NRCAM: variants seen among roughly 807,000 people sequenced by gnomAD.
NRCAM encodes neuronal cell adhesion molecule.
Under a neutral mutation model 156.5 loss-of-function variants are expected in NRCAM, and 83 were observed. The observed-to-expected ratio is 0.53, with a 90% CI of 0.44 to 0.64. The LOEUF is 0.64. NRCAM is among the 30% of genes least tolerant of loss of function. The probability of loss-of-function intolerance (pLI) is 0.00; values close to 1 mark genes in which losing one functional copy is unlikely to be tolerated. For synonymous variants in NRCAM, 538 were observed against 563.9 expected (o/e 0.95, Z 0.65); for missense variants, 1,417 against 1,597.3 (o/e 0.89, Z 1.92).
At chr7:108,325,581 A>C (rs1425919912) in intron 2 of NRCAM, among the ~76,000 whole-genome samples, 1 of 152,036 alleles carries the variant, frequency 6.6e-6, no homozygotes, top group Admixed American at 6.6e-5. Context: ...CAAAAAGGTA[A>C]CCTACATTAG....
intron 11 of NRCAM, among the ~76,000 whole-genome samples, chr7:108,220,876 C>T (rs2153670580): frequency 6.6e-6 from 1 of 152,270 alleles, no homozygotes; most frequent in Non-Finnish European, 1.5e-5. Flanking sequence ...AGAGCTTTTG[C>T]ATGGCAAAAA....
At chr7:108,195,236 T>C (rs906370192) in intron 15 of NRCAM, among the ~76,000 whole-genome samples, 14 of 152,092 alleles carry the variant, frequency 9.2e-5, no homozygotes, top group African/African-American at 3.4e-4. Flanking sequence ...CTGTGCTTGA[T>C]AGAGTGTGCT....
intron 13 of NRCAM, among the ~76,000 whole-genome samples, chr7:108,202,507 G>C (rs1351761798): frequency 6.6e-6 from 1 of 152,198 alleles, no homozygotes; most frequent in East Asian, 1.9e-4. Flanking sequence ...TTCTCAGTTA[G>C]TCAACTTTGT....
At chr7:108,357,260 C>A (rs2099510710) in intron 2 of NRCAM, among the ~76,000 whole-genome samples, 1 of 151,578 alleles carries the variant, frequency 6.6e-6, no homozygotes, top group African/African-American at 2.4e-5. Context: ...AAGTTCTGTT[C>A]AGATTTTCAT....
rs1448628255 is a variant in NRCAM at position 108,309,017 on chromosome 7, A to G, written c.-107+3648T>C. On this transcript the variant is annotated intron_variant, in intron 3 of 32. Coordinates refer to ENST00000379028, the MANE Select transcript of NRCAM (RefSeq NM_001037132.4). ...CCCCAGGACAGAGAGCACTGCTCAG[A>G]CTTCATGTGGAAATGGAAAGCTGAG... Among the ~76,000 whole-genome samples the G allele has an allele frequency of 2.0e-5, 3 of 152,218 alleles. No individual in the cohort carries two copies. The East Asian group carries it at 5.8e-4, about 29-fold the overall frequency.
At chr7:108,329,801 A>C (rs150519782) in intron 2 of NRCAM, among the ~76,000 whole-genome samples, 2 of 152,320 alleles carry the variant, frequency 1.3e-5, no homozygotes, top group African/African-American at 2.4e-5. Context: ...ACATCAGAGA[A>C]TCTTGACTGG....
rs375886714 is a variant in NRCAM at position 108,149,973 on chromosome 7, C to T, written c.3852G>A (p.Pro1284=). 21 of 1,613,902 alleles carry T rather than the reference C, an allele frequency of 1.3e-5. 1 individual carries two copies. The East Asian group carries it at 1.6e-4, about 12-fold the overall frequency. The change falls in exon 33 of 33, where the codon CCG becomes CCA. Residue 1284 remains proline (P), a synonymous_variant. Transcript: ENST00000379028. ...GQYSGKKEKE[P]AEGNESSEAP... The stretch of plus-strand genomic sequence containing the variant: ...CCTCTGAGCTTTCGTTTCCTTCAGC[C>T]GGCTCTTTCTCTTTCTTACCACTGT...
chr7:108,427,853 T>C (rs934960683), intron 1 of NRCAM, among the ~76,000 whole-genome samples: 1 of 151,760 alleles, frequency 6.6e-6, no homozygotes, highest in Admixed American at 6.5e-5. Context: ...TCTTGATTCA[T>C]TGTCCTTAAC....
intron 2 of NRCAM, among the ~76,000 whole-genome samples, chr7:108,398,485 CA>C (rs1407966888): frequency 6.6e-6 from 1 of 152,190 alleles, no homozygotes; most frequent in African/African-American, 2.4e-5. Flanking sequence ...CATAAAATGC[CA>C]ATGACTTCCA....
chr7:108,181,645 A>G (rs2063554058), intron 24 of NRCAM, among the ~76,000 whole-genome samples, 177 bp downstream of exon 24: 1 of 150,586 alleles, frequency 6.6e-6, no homozygotes, highest in African/African-American at 2.4e-5. Context: ...GGATGCAGTG[A>G]GATTTCAAGT....
At chr7:108,250,599 G>C (rs1307712699) in intron 3 of NRCAM, among the ~76,000 whole-genome samples, 1 of 151,846 alleles carries the variant, frequency 6.6e-6, no homozygotes, top group Non-Finnish European at 1.5e-5. Flanking sequence ...CCGAGACTCG[G>C]AATGGTAGTG....
At chr7:108,452,449 C>A (rs1851572612) in intron 1 of NRCAM, among the ~76,000 whole-genome samples, 1 of 152,092 alleles carries the variant, frequency 6.6e-6, no homozygotes, top group Non-Finnish European at 1.5e-5. Flanking sequence ...CCAATAGAGG[C>A]TGTTTTAAAC....
At chr7:108,435,584 C>T (rs941465985) in intron 1 of NRCAM, among the ~76,000 whole-genome samples, 3 of 152,104 alleles carry the variant, frequency 2.0e-5, no homozygotes, top group African/African-American at 7.2e-5. Flanking sequence ...TCAGGAACAA[C>T]AGACACTGGG....
chr7:108,187,105 C>T (rs563258963), intron 20 of NRCAM, among the ~76,000 whole-genome samples: 1 of 152,254 alleles, frequency 6.6e-6, no homozygotes, highest in East Asian at 1.9e-4. Context: ...AGTTTGGGAA[C>T]CATGGTCTTA....
Position 108,316,092 on chromosome 7 carries a change from T to A in NRCAM, c.-173-3361A>T, listed in dbSNP as rs185280083. Among the ~76,000 whole-genome samples, 3 of 152,326 alleles carry A rather than the reference T, an allele frequency of 2.0e-5. No individual in the cohort carries two copies. The East Asian group carries it at 5.8e-4, about 29-fold the overall frequency. ...GGAAACTTAATCACAAATACAACAATGTTCAGAGGTGGGATCTTTAAGAGG... is the reference window on the plus strand; with the variant it reads ...GGAAACTTAATCACAAATACAACAAAGTTCAGAGGTGGGATCTTTAAGAGG... On this transcript the variant is annotated intron_variant, in intron 2 of 32. Coordinates refer to ENST00000379028, the MANE Select transcript of NRCAM (RefSeq NM_001037132.4).
At chr7:108,249,778 G>C (rs1481926562) in intron 3 of NRCAM, among the ~76,000 whole-genome samples, 1 of 152,196 alleles carries the variant, frequency 6.6e-6, no homozygotes, top group Non-Finnish European at 1.5e-5. Flanking sequence ...CAATTCTGCT[G>C]TCTATGACTT....
intron 2 of NRCAM, among the ~76,000 whole-genome samples, chr7:108,343,468 G>A (rs1043058954): frequency 3.9e-5 from 6 of 152,110 alleles, no homozygotes; most frequent in African/African-American, 1.4e-4. Context: ...GAACTGCCAA[G>A]CGGACATTGA....
chr7:108,284,706 C>G (rs975949861), intron 3 of NRCAM, among the ~76,000 whole-genome samples: 3 of 152,152 alleles, frequency 2.0e-5, no homozygotes, highest in Admixed American at 1.3e-4. Context: ...TATACGGAAC[C>G]GCAACTGTTA....
At chr7:108,194,561 G>A (rs1273553557) in intron 15 of NRCAM, 133 bp from the exon 16 acceptor site, 1 of 599,032 alleles carries the variant, frequency 1.7e-6, no homozygotes, top group African/African-American at 1.9e-5. Context: ...TTGTACTTTT[G>A]AAAGTATCAA....
Sources: allele counts gnomAD v4.1 joint callset (sites outside exome capture counted in the v4.1 genomes callset), GRCh38; gene constraint gnomAD v4.1.1; transcripts MANE v1.5; gene names NCBI Gene and HGNC (gene_info 2026-07-23, HGNC 2026-07-21).